The following RBFOX1 variants were observed in gnomAD, a reference collection of about 807,000 sequenced individuals.
RBFOX1 encodes the protein RNA binding fox-1 homolog 1, also known as RNA binding protein fox-1 homolog 1.
RBFOX1 carries 8 observed loss-of-function variants against 57.7 expected under a neutral mutation model. The observed-to-expected ratio is 0.14, with a 90% confidence interval of 0.08 to 0.25. RBFOX1 has a LOEUF of 0.25. RBFOX1 is among the 10% of genes least tolerant of loss of function. RBFOX1 has a pLI of 1.00. For synonymous variants in RBFOX1, 326 were observed against 222.4 expected, an observed-to-expected ratio of 1.47 and a Z score of -4.15; for missense variants, 611 against 548.5, an observed-to-expected ratio of 1.11 and a Z score of -1.14.
At chr16:7,263,903 A>AAT (rs1480773374) in intron 4 of RBFOX1, among the ~76,000 whole-genome samples, 1 of 143,160 alleles carries the variant, frequency 7.0e-6, no homozygotes, top group Non-Finnish European at 1.5e-5. Context: ...TCAGTCTCAA[A>AAT]ATATATATAT....
intron 1 of RBFOX1, among the ~76,000 whole-genome samples, chr16:5,373,846 C>A (rs960963825): frequency 2.0e-5 from 3 of 152,194 alleles, no homozygotes; most frequent in Non-Finnish European, 4.4e-5. Flanking sequence ...TCAAGTGATC[C>A]ACCTGCCGTG....
intron 3 of RBFOX1, among the ~76,000 whole-genome samples, chr16:7,020,123 C>G (rs1280040657): frequency 6.6e-6 from 1 of 152,124 alleles, no homozygotes; most frequent in Non-Finnish European, 1.5e-5. Context: ...ATTGTCATGT[C>G]TCAGGCCAGG....
chr16:6,485,197 GC>G (rs1725504048), intron 2 of RBFOX1, among the ~76,000 whole-genome samples: 2 of 152,170 alleles, frequency 1.3e-5, no homozygotes, highest in African/African-American at 4.8e-5. Flanking sequence ...CATTTAAAAA[GC>G]AAGATTTTCC....
chr16:7,407,794 G>A (rs1161221525), intron 4 of RBFOX1, among the ~76,000 whole-genome samples: 2 of 152,082 alleles, frequency 1.3e-5, no homozygotes, highest in Non-Finnish European at 2.9e-5. Context: ...ATTACACTCT[G>A]GTGTTGTACA....
chr16:5,518,150 G>A (rs961385264), intron 2 of RBFOX1, among the ~76,000 whole-genome samples: 4 of 152,164 alleles, frequency 2.6e-5, no homozygotes, highest in African/African-American at 9.7e-5. Flanking sequence ...AATGCAAACA[G>A]ACCTAAAAAA....
intron 1 of RBFOX1, among the ~76,000 whole-genome samples, chr16:5,342,054 T>G (rs2065044676): frequency 6.6e-6 from 1 of 152,212 alleles, no homozygotes; most frequent in Admixed American, 6.5e-5. Flanking sequence ...TGGTAAATCC[T>G]TTAGTGTAGC....
chr16:5,376,942 A>T (rs2066000629), intron 1 of RBFOX1, among the ~76,000 whole-genome samples: 1 of 95,686 alleles, frequency 1.0e-5, no homozygotes, highest in Non-Finnish European at 2.3e-5. Context: ...CACACCCTGC[A>T]CTGGCTTCCC....
chr16:7,403,240 T>C (rs1192790698), intron 4 of RBFOX1, among the ~76,000 whole-genome samples: 1 of 152,180 alleles, frequency 6.6e-6, no homozygotes, highest in Non-Finnish European at 1.5e-5. Context: ...TTTGGTGAGA[T>C]CACTTAGAAT....
chr16:7,026,991 C>T (rs1039047740), intron 3 of RBFOX1, among the ~76,000 whole-genome samples: 1 of 152,144 alleles, frequency 6.6e-6, no homozygotes, highest in Non-Finnish European at 1.5e-5. Context: ...ATCAGCACCC[C>T]TAAGGTTTAG....
At chr16:6,727,713 G>A (rs749240231) in intron 3 of RBFOX1, among the ~76,000 whole-genome samples, 1 of 152,054 alleles carries the variant, frequency 6.6e-6, no homozygotes, top group South Asian at 2.1e-4. Context: ...CTATCAAATG[G>A]GCTCACACGT....
At position 5,738,698 on chromosome 16, in the gene RBFOX1, G is replaced by T. The variant is rs1256618937; in HGVS notation, c.319-128605G>T. On this transcript the variant is annotated intron_variant, in intron 3 of 19. Coordinates refer to the RBFOX1 transcript ENST00000641259. ...TATAAAGCACATTCCATTGATTTCAGTCTGACTGCAGGTTTTCCACTGGGG... is the reference window on the plus strand; with the variant it reads ...TATAAAGCACATTCCATTGATTTCATTCTGACTGCAGGTTTTCCACTGGGG... 2.0e-5 allele frequency among the ~76,000 whole-genome samples: 3 copies of T among 149,508 alleles called. No individual in the cohort carries two copies. In the East Asian group the frequency reaches 6.1e-4, roughly 30 times the overall value.
chr16:5,240,656 C>T (rs1202553571), intron 1 of RBFOX1, among the ~76,000 whole-genome samples: 3 of 152,162 alleles, frequency 2.0e-5, no homozygotes, highest in Non-Finnish European at 4.4e-5. Flanking sequence ...GGCTTCCATC[C>T]CAGAAATCGC....
intron 4 of RBFOX1, among the ~76,000 whole-genome samples, chr16:7,496,909 G>A (rs1416664470): frequency 1.3e-5 from 2 of 152,060 alleles, no homozygotes; most frequent in Non-Finnish European, 2.9e-5. Context: ...AGAGTCATTG[G>A]TACCCATACA....
intron 4 of RBFOX1, among the ~76,000 whole-genome samples, chr16:7,385,088 G>A (rs1012041712): frequency 2.0e-5 from 3 of 152,308 alleles, no homozygotes; most frequent in East Asian, 3.9e-4. Context: ...CAGATCCCTG[G>A]AAAATAGAGA....
At chr16:7,372,617 G>C (rs1231840904) in intron 4 of RBFOX1, among the ~76,000 whole-genome samples, 2 of 152,084 alleles carry the variant, frequency 1.3e-5, no homozygotes, top group African/African-American at 4.8e-5. Context: ...AGTAATGTCT[G>C]CTAAGTGCAC....
intron 6 of RBFOX1, among the ~76,000 whole-genome samples, chr16:7,582,990 G>C (rs929727730): frequency 1.3e-5 from 2 of 151,824 alleles, no homozygotes; most frequent in African/African-American, 4.8e-5. Context: ...ATGCCTAATG[G>C]TTACTGCAGA....
chr16:5,503,642 C>G (rs1238221243), intron 2 of RBFOX1, among the ~76,000 whole-genome samples: 1 of 152,104 alleles, frequency 6.6e-6, no homozygotes, highest in East Asian at 1.9e-4. Flanking sequence ...TGAGGTTTCC[C>G]CATGTTGGTC....
chr16:6,795,894 GTTC>G (rs1479650620), intron 3 of RBFOX1, among the ~76,000 whole-genome samples: 2 of 151,614 alleles, frequency 1.3e-5, no homozygotes, highest in Non-Finnish European at 2.9e-5. Flanking sequence ...TTCCTTTTAT[GTTC>G]TTATGTTTTT....
At chr16:5,555,074 C>G (rs1217693792) in intron 2 of RBFOX1, among the ~76,000 whole-genome samples, 2 of 152,216 alleles carry the variant, frequency 1.3e-5, no homozygotes, top group African/African-American at 4.8e-5. Flanking sequence ...TAAATGTACT[C>G]TTTTGTGTGT....
Sources: allele counts gnomAD v4.1 joint callset (sites outside exome capture counted in the v4.1 genomes callset), GRCh38; gene constraint gnomAD v4.1.1; transcripts MANE v1.5; gene names NCBI Gene and HGNC (gene_info 2026-07-23, HGNC 2026-07-21).